Variants in SLC7A9 observed in about 807,000 individuals in gnomAD.
SLC7A9 encodes the protein solute carrier family 7 member 9, also known as B(0,+)-type amino acid transporter 1.
A neutral mutation model predicts 54.1 loss-of-function variants in SLC7A9; 38 were observed. The observed-to-expected ratio is 0.70, with a 90% CI of 0.54 to 0.92. SLC7A9 has a LOEUF of 0.92. Ranked by LOEUF, SLC7A9 falls within the 40% of genes least tolerant of loss-of-function variation. The pLI, the probability that SLC7A9 is intolerant of heterozygous loss-of-function variation, is 0.00. For missense variants in SLC7A9, 537 were observed against 636.1 expected, an observed-to-expected ratio of 0.84 and a Z score of 1.68; for synonymous variants, 264 against 258.9, an observed-to-expected ratio of 1.02 and a Z score of -0.19.
intron 2 of SLC7A9, among the ~76,000 whole-genome samples, chr19:32,867,356 A>G (rs7259823): frequency 0.14 from 21,940 of 151,866 alleles, 2,798 homozygotes; most frequent in African/African-American, 0.34. Context: ...ATTTTTTTGA[A>G]AAGTTAAAAA....
At chr19:32,844,173 G>A (rs779010383) in intron 9 of SLC7A9, among the ~76,000 whole-genome samples, 7 of 152,168 alleles carry the variant, frequency 4.6e-5, no homozygotes, top group Non-Finnish European at 7.3e-5. Context: ...AGGTGTGGTG[G>A]CTCACGCCTG....
intron 9 of SLC7A9, 140 bp from the exon 10 acceptor site, chr19:32,844,091 A>T: frequency 1.4e-6 from 1 of 704,456 alleles, no homozygotes; most frequent in Non-Finnish European, 2.6e-6. Context: ...TGAGCTTCAG[A>T]TGGGGGTCTG....
chr19:32,842,336 G>A lies in SLC7A9; in HGVS notation c.1075-19C>T. The A allele has an allele frequency of 6.2e-7, 1 of 1,609,640 alleles. No individual in the cohort carries two copies. The highest frequency in any genetic ancestry group is 8.5e-7 in the Non-Finnish European group (1 of 1,176,544). On this transcript the variant is annotated intron_variant, in intron 10 of 12. Transcript: ENST00000023064. ...TGATACCCTAATAGAAAGAAGAATG[G>A]ATTTGTAGGTCATTACTACAAAACA...
At chr19:32,834,110 ATTGTTCACG>A (rs1176655933) in intron 11 of SLC7A9, among the ~76,000 whole-genome samples, 2 of 152,064 alleles carry the variant, frequency 1.3e-5, no homozygotes, top group Non-Finnish European at 2.9e-5. Flanking sequence ...CGTTGTAGTC[ATTGTTCACG>A]TTGTTCAGAA....
chr19:32,831,201 A>C (rs1251329763), intron 12 of SLC7A9: 1 of 157,224 alleles, frequency 6.4e-6, no homozygotes, highest in Non-Finnish European at 1.4e-5. Flanking sequence ...AAAAATACAA[A>C]AAAAAAAAAA....
At position 32,858,462 on chromosome 19, in the gene SLC7A9, C is replaced by T. The variant is rs1968693380; in HGVS notation, c.955G>A (p.Gly319Arg). The T allele has an allele frequency of 5.6e-6, 9 of 1,613,210 alleles. No individual in the cohort carries two copies. Among genetic ancestry groups the T allele is most frequent in the East Asian group, 2.2e-5 (1 of 44,872 alleles). Residue 319 changes from glycine to arginine, a missense_variant, in exon 9 of 13, where the codon GGG (glycine) becomes AGG (arginine). Physicochemically the swap from Gly to Arg is moderately radical, Grantham distance 125. Coordinates refer to ENST00000023064, the MANE Select transcript of SLC7A9 (RefSeq NM_014270.5). ...VAFSTIGAAN[G>R]TCFTAGRLIY... is the part of the protein sequence containing the mutation. Reference sequence around the variant, plus strand: ...TACCTGCCCGCTGTGAAGCAGGTCCCGTTAGCAGCACCGATGGTTGAAAAT... The same window carrying T: ...TACCTGCCCGCTGTGAAGCAGGTCCTGTTAGCAGCACCGATGGTTGAAAAT...
At chr19:32,867,519 AAAAAATTTTTTT>A (rs1016273680) in intron 2 of SLC7A9, among the ~76,000 whole-genome samples, 1 of 151,872 alleles carries the variant, frequency 6.6e-6, no homozygotes, top group African/African-American at 2.4e-5. Flanking sequence ...CCTGACTCTA[AAAAAATTTTTTT>A]AAAAATTTTT....
At chr19:32,839,552 C>CA (rs913100576) in intron 11 of SLC7A9, among the ~76,000 whole-genome samples, 23,694 of 82,512 alleles carry the variant, frequency 0.29, 2,654 homozygotes, top group East Asian at 0.52. Flanking sequence ...CACTCCGTCT[C>CA]AAAAAAAAAA....
At chr19:32,837,567 CAT>C (rs1031033981) in intron 11 of SLC7A9, among the ~76,000 whole-genome samples, 2 of 144,096 alleles carry the variant, frequency 1.4e-5, no homozygotes, top group African/African-American at 5.0e-5. Context: ...ATATAAATAA[CAT>C]GTTACCCAAC....
At chr19:32,855,039 G>A (rs8112940) in intron 9 of SLC7A9, among the ~76,000 whole-genome samples, 73,159 of 152,026 alleles carry the variant, frequency 0.48, 18,194 homozygotes, top group East Asian at 0.72. Context: ...CCAAGACATG[G>A]ACACAACCTA....
At chr19:32,858,934 G>A (rs1352777105) in intron 8 of SLC7A9, among the ~76,000 whole-genome samples, 3 of 151,436 alleles carry the variant, frequency 2.0e-5, no homozygotes, top group African/African-American at 4.9e-5. Flanking sequence ...GATTACAGGC[G>A]CATGCCACCA....
chr19:32,843,461 A>G (rs75737094), intron 10 of SLC7A9, among the ~76,000 whole-genome samples: 1 of 142,816 alleles, frequency 7.0e-6, no homozygotes, highest in African/African-American at 2.9e-5. Context: ...ACTCCGTATC[A>G]AAAAAAAAGT....
chr19:32,837,093 T>C (rs1431435655), intron 11 of SLC7A9, among the ~76,000 whole-genome samples: 1 of 152,202 alleles, frequency 6.6e-6, no homozygotes, highest in Non-Finnish European at 1.5e-5. Context: ...TTTATCTTTC[T>C]GTATACAAGC....
intron 11 of SLC7A9, 130 bp downstream of exon 11, chr19:32,842,038 C>G: frequency 2.2e-6 from 2 of 922,444 alleles, no homozygotes. Flanking sequence ...AAACTCCACT[C>G]TAAAATACGA....
intron 12 of SLC7A9, among the ~76,000 whole-genome samples, chr19:32,832,596 AAAAAAAAAG>A (rs1967833310): frequency 6.7e-6 from 1 of 148,354 alleles, no homozygotes; most frequent in Non-Finnish European, 1.5e-5. Flanking sequence ...TCAAAAAAAA[AAAAAAAAAG>A]AAAGAAAGAA....
chr19:32,837,655 T>C (rs915340288), intron 11 of SLC7A9, among the ~76,000 whole-genome samples: 4 of 152,166 alleles, frequency 2.6e-5, no homozygotes, highest in Admixed American at 2.6e-4. Context: ...TGTTGACCAA[T>C]GACTGCCTTT....
chr19:32,869,438 C>G lies in SLC7A9; in HGVS notation c.-112+248G>C, dbSNP rs904502874. ...ACGGGAGTGTTGCTATTTGCCCCGG[C>G]TGGCCTCAAGCAGTCCTTCCACCTC... On this transcript the variant is annotated intron_variant, in intron 1 of 12. Coordinates refer to ENST00000023064, the MANE Select transcript of SLC7A9 (RefSeq NM_014270.5). Among the ~76,000 whole-genome samples, 5 of 152,084 alleles carry G rather than the reference C, an allele frequency of 3.3e-5. 1 individual carries two copies. Among genetic ancestry groups the G allele is most frequent in the Middle Eastern group, 6.3e-3 (2 of 316 alleles).
chr19:32,849,981 AC>A (rs1199993585), intron 9 of SLC7A9, among the ~76,000 whole-genome samples: 3 of 151,500 alleles, frequency 2.0e-5, no homozygotes, highest in South Asian at 2.1e-4. Flanking sequence ...AAATTCAACA[AC>A]CCTTCATGCT....
chr19:32,855,605 G>A (rs966820374), intron 9 of SLC7A9, among the ~76,000 whole-genome samples: 1 of 152,038 alleles, frequency 6.6e-6, no homozygotes, highest in Non-Finnish European at 1.5e-5. Context: ...AGGAGGCTGA[G>A]GCAGGAGAAT....
Sources: gnomAD v4.1 joint callset for allele counts (sites outside exome capture counted in the v4.1 genomes callset) on GRCh38, gnomAD v4.1.1 for gene constraint, MANE v1.5 for transcripts, NCBI Gene and HGNC (gene_info 2026-07-23, HGNC 2026-07-21) for gene names.